The following THAP1 variants were observed in gnomAD, a reference collection of about 807,000 sequenced individuals.
THAP1 encodes the protein THAP domain containing 1.
THAP1 carries 6 observed loss-of-function variants against 18.2 expected under a neutral mutation model. That is an observed-to-expected ratio of 0.33 (90% CI 0.18 to 0.65). The LOEUF (loss-of-function observed/expected upper bound fraction) is 0.65. Ranked by LOEUF, THAP1 falls within the 30% of genes least tolerant of loss-of-function variation. The probability of loss-of-function intolerance (pLI) is 0.74; values close to 1 mark genes in which losing one functional copy is unlikely to be tolerated. For missense variants in THAP1, 176 were observed against 253.0 expected (o/e 0.70, Z 2.06); for synonymous variants, 85 against 90.5 (o/e 0.94, Z 0.34).
At chr8:42,841,057 T>G (rs1213254977) in intron 1 of THAP1, among the ~76,000 whole-genome samples, 1 of 151,586 alleles carries the variant, frequency 6.6e-6, no homozygotes, top group Non-Finnish European at 1.5e-5. Context: ...TAAAATTCAG[T>G]ACCTATGGCC....
At chr8:42,842,993 A>G (rs1244767759) in intron 1 of THAP1, 31 bp downstream of exon 1, 4 of 1,591,794 alleles carry the variant, frequency 2.5e-6, no homozygotes, top group Non-Finnish European at 3.4e-6. Context: ...CCCGGCTGAG[A>G]CCGGCCCCGC....
intron 1 of THAP1, among the ~76,000 whole-genome samples, chr8:42,840,110 G>A (rs1330496322): frequency 6.6e-6 from 1 of 152,174 alleles, no homozygotes; most frequent in African/African-American, 2.4e-5. Flanking sequence ...TGGAAGGACT[G>A]CTCGAGCCTG....
chr8:42,842,044 A>G (rs1563645787), intron 1 of THAP1, among the ~76,000 whole-genome samples: 1 of 152,278 alleles, frequency 6.6e-6, no homozygotes, highest in Non-Finnish European at 1.5e-5. Flanking sequence ...TTACCTAATT[A>G]TAAAAGATAA....
chr8:42,840,663 C>T (rs1802699472), intron 1 of THAP1, among the ~76,000 whole-genome samples: 1 of 152,126 alleles, frequency 6.6e-6, no homozygotes, highest in Non-Finnish European at 1.5e-5. Flanking sequence ...AGAAGTGGTA[C>T]TCCTAGAAAA....
At chr8:42,842,959 G>GC in intron 1 of THAP1, 65 bp downstream of exon 1, 2 of 1,354,110 alleles carry the variant, frequency 1.5e-6, no homozygotes, top group Non-Finnish European at 1.9e-6. Context: ...TCCGCCCCCG[G>GC]CCCCGCCGGC....
intron 1 of THAP1, 128 bp downstream of exon 1, chr8:42,842,896 C>T: frequency 2.8e-6 from 2 of 727,108 alleles, no homozygotes; most frequent in Non-Finnish European, 3.6e-6. Context: ...GGGAAACGCC[C>T]GACACGGCCG....
intron 1 of THAP1, chr8:42,842,749 G>C (rs1358548719): frequency 5.6e-6 from 1 of 179,712 alleles, no homozygotes; most frequent in Non-Finnish European, 1.1e-5. Flanking sequence ...GGCATCGCCC[G>C]TGGGCTCCGA....
chr8:42,842,638 G>A (rs952513990), intron 1 of THAP1: 4 of 153,056 alleles, frequency 2.6e-5, no homozygotes, highest in Non-Finnish European at 5.8e-5. Flanking sequence ...TGATTTCTTC[G>A]TTTAAAGGCC....
At chr8:42,839,491 T>A in intron 1 of THAP1, 110 bp from the exon 2 acceptor site, 1 of 1,092,636 alleles carries the variant, frequency 9.2e-7, no homozygotes, top group Non-Finnish European at 1.4e-6. Context: ...GATGTTACAA[T>A]TGTATTATCC....
rs1017380084 is a variant in THAP1, at chr8:42,837,862, A to T, written c.*100T>A. On this transcript the variant is annotated 3_prime_UTR_variant, in exon 3 of 3. Coordinates refer to ENST00000254250, the MANE Select transcript of THAP1 (RefSeq NM_018105.3). ...AAAAAATATTCTGAACTGTTTTTAT[A>T]TAAGTAATCAAATGTTATTTTTTTA... 1 of 1,312,880 alleles carries T rather than the reference A, an allele frequency of 7.6e-7. No homozygotes were observed. The highest frequency in any genetic ancestry group is 1.5e-5 in the African/African-American group (1 of 67,300). The allele number at this position is 1,312,880 out of a possible 1,614,324, so 81.3% of individuals were successfully genotyped here.
At chr8:42,838,584 G>A (rs1236027563) in intron 2 of THAP1, among the ~76,000 whole-genome samples, 5 of 152,096 alleles carry the variant, frequency 3.3e-5, no homozygotes, top group Admixed American at 2.0e-4. Context: ...CTACTTGGGC[G>A]GCTGAGGCAA....
In THAP1 at chr8:42,843,125, C is replaced by T. The variant is rs371606502; in HGVS notation, c.-31G>A. 1 of 1,611,086 alleles carries T rather than the reference C, an allele frequency of 6.2e-7. No homozygotes were observed. Among genetic ancestry groups the T allele is most frequent in the African/African-American group, 1.3e-5 (1 of 74,884 alleles). Reference sequence around the variant, plus strand: ...CGGTCCTCAGGCACTTCACTTCTGCCGCCGCAGAAGGCAGGGGAAGCTGTT... The same window carrying T: ...CGGTCCTCAGGCACTTCACTTCTGCTGCCGCAGAAGGCAGGGGAAGCTGTT... On this transcript the variant is annotated 5_prime_UTR_variant, in exon 1 of 3. Transcript: ENST00000254250.
chr8:42,839,022 C>T (rs759802708), intron 2 of THAP1, among the ~76,000 whole-genome samples, 164 bp downstream of exon 2: 61 of 152,154 alleles, frequency 4.0e-4, no homozygotes, highest in Non-Finnish European at 4.1e-4. Flanking sequence ...GGATATTTAT[C>T]TTTAATAAAC....
rs1455575822 is a variant in THAP1, at chr8:42,843,137, C to T, written c.-43G>A. On this transcript the variant is annotated 5_prime_UTR_variant, in exon 1 of 3. Coordinates refer to ENST00000254250, the MANE Select transcript of THAP1 (RefSeq NM_018105.3). ...ACTTCACTTCTGCCGCCGCAGAAGG[C>T]AGGGGAAGCTGTTCTCAGTGTCGCT... 6.2e-7 allele frequency: 1 copy of T among 1,607,596 alleles called. No homozygotes were observed. The highest frequency in any genetic ancestry group is 2.2e-5 in the East Asian group (1 of 44,806).
Position 42,836,712 on chromosome 8 carries a change from C to T in THAP1, c.*1250G>A, listed in dbSNP as rs543106396. 9.1e-4 allele frequency: 139 copies of T among 152,712 alleles called. 1 individual carries two copies. Among genetic ancestry groups the T allele is most frequent in the African/African-American group, 3.2e-3 (135 of 41,558 alleles). 9.5% of individuals were successfully genotyped at this position (152,712 alleles called of 1,614,324 possible). A position where few individuals can be genotyped will look rare whatever the true frequency, so the allele number is the denominator to read the frequency against. On this transcript the variant is annotated 3_prime_UTR_variant, in exon 3 of 3. Coordinates refer to ENST00000254250, the MANE Select transcript of THAP1 (RefSeq NM_018105.3). ...CACCTTTAATACTGTCTTAAAGGTT[C>T]TATTGCTCTTCAACGATCTTAGTGT...
rs368815106 is a variant in THAP1, at chr8:42,843,134, A to G, written c.-40T>C. The stretch of plus-strand genomic sequence containing the variant: ...GGCACTTCACTTCTGCCGCCGCAGA[A>G]GGCAGGGGAAGCTGTTCTCAGTGTC... On this transcript the variant is annotated 5_prime_UTR_variant, in exon 1 of 3. Transcript: ENST00000254250. 268 of 1,611,562 alleles carry G rather than the reference A, an allele frequency of 1.7e-4. 1 individual carries two copies. The highest frequency in any genetic ancestry group is 6.7e-4 in the Admixed American group (40 of 60,000).
chr8:42,838,450 G>C (rs1563644538), intron 2 of THAP1, 114 bp from the exon 3 acceptor site: 1 of 1,390,962 alleles, frequency 7.2e-7, no homozygotes, highest in Non-Finnish European at 9.9e-7. Context: ...CTTTTGTGAG[G>C]AAGAGGTGGG....
rs1313064120 is a variant in THAP1 at position 42,843,022 on chromosome 8, A to C, written c.71+2T>G. Reference sequence around the variant, plus strand: ...GCCCCGCGAGGCGCGCAGGGTCCTCACTTGTGGAAAGAAACGGGCTTGTCC... The same window carrying C: ...GCCCCGCGAGGCGCGCAGGGTCCTCCCTTGTGGAAAGAAACGGGCTTGTCC... On this transcript the variant is annotated splice_donor_variant, in intron 1 of 2. Coordinates refer to ENST00000254250, the MANE Select transcript of THAP1 (RefSeq NM_018105.3). LOFTEE classifies it high-confidence loss of function. 3 of 1,611,976 alleles carry C rather than the reference A, an allele frequency of 1.9e-6. No individual in the cohort carries two copies. Among genetic ancestry groups the C allele is most frequent in the Non-Finnish European group, 1.7e-6 (2 of 1,178,916 alleles).
intron 2 of THAP1, among the ~76,000 whole-genome samples, chr8:42,838,863 C>T (rs1802665374): frequency 6.6e-6 from 1 of 152,054 alleles, no homozygotes; most frequent in African/African-American, 2.4e-5. Flanking sequence ...ATCATCAGAT[C>T]TAATTAAATA....
Sources: gnomAD v4.1 joint callset for allele counts (sites outside exome capture counted in the v4.1 genomes callset) on GRCh38, gnomAD v4.1.1 for gene constraint, MANE v1.5 for transcripts, NCBI Gene and HGNC (gene_info 2026-07-23, HGNC 2026-07-21) for gene names.